ADH5: variants seen among roughly 807,000 people sequenced by gnomAD.
ADH5 encodes alcohol dehydrogenase 5 (class III), chi polypeptide.
In ADH5, 32 loss-of-function variants were observed where a neutral mutation model predicts 40.3. The ratio of observed to expected loss-of-function variants is 0.79; its 90% CI spans 0.60 to 1.07. The LOEUF (loss-of-function observed/expected upper bound fraction) is 1.07. Ranked by LOEUF, ADH5 falls within the 50% of genes least tolerant of loss-of-function variation. The probability of loss-of-function intolerance (pLI) is 0.00; values close to 1 mark genes in which losing one functional copy is unlikely to be tolerated. For missense variants in ADH5, 353 were observed against 460.5 expected, an observed-to-expected ratio of 0.77 and a Z score of 2.14; for synonymous variants, 125 against 154.3, an observed-to-expected ratio of 0.81 and a Z score of 1.41.
Position 99,072,555 on chromosome 4 carries a change from TATAA to T in ADH5, c.1100+14_1100+17del. On this transcript the variant is annotated intron_variant, in intron 8 of 8. Coordinates refer to ENST00000296412, the MANE Select transcript of ADH5 (RefSeq NM_000671.4). ...AACATCATTATTACATTCTATGATA[TATAA>T]AGAGAAAGCCTACCTCTTTCCAGAA... 6.2e-7 allele frequency: 1 copy of T among 1,609,696 alleles called. No individual in the cohort carries two copies. The highest frequency in any genetic ancestry group is 1.3e-5 in the African/African-American group (1 of 74,734).
intron 2 of ADH5, among the ~76,000 whole-genome samples, chr4:99,082,975 C>T (rs1241256659): frequency 6.6e-6 from 1 of 152,110 alleles, no homozygotes; most frequent in Non-Finnish European, 1.5e-5. Flanking sequence ...CATGCCCAGC[C>T]GTAACTTATA....
chr4:99,086,250 G>A (rs1239047982), intron 1 of ADH5, among the ~76,000 whole-genome samples: 1 of 144,352 alleles, frequency 6.9e-6, no homozygotes, highest in African/African-American at 2.6e-5. Context: ...TTTTTAATGA[G>A]GCTACTGAAA....
At chr4:99,087,400 G>GA (rs1560757400) in intron 1 of ADH5, among the ~76,000 whole-genome samples, 3 of 134,036 alleles carry the variant, frequency 2.2e-5, no homozygotes, top group African/African-American at 8.1e-5. Context: ...CGGGGGAGGG[G>GA]GGGGGGAGGG....
In ADH5 at chr4:99,076,875, A is replaced by C. The variant is rs1423486044; in HGVS notation, c.393T>G (p.Thr131=). The C allele has an allele frequency of 6.2e-7, 1 of 1,613,884 alleles. No homozygotes were observed. The highest frequency in any genetic ancestry group is 8.5e-7 in the Non-Finnish European group (1 of 1,179,834). ...GLMPDGTSRF[T]CKGKTILHYM... ...AATGCAAAATTGTCTTTCCTTTGCA[A>C]GTAAATCTGCTGGTACCATCTGGCA... The change falls in exon 5 of 9, where the codon ACT becomes ACG. Residue 131 remains threonine (T), a synonymous_variant. Transcript: ENST00000296412.
chr4:99,074,583 G>A (rs1727887548), intron 7 of ADH5, among the ~76,000 whole-genome samples: 1 of 152,190 alleles, frequency 6.6e-6, no homozygotes, highest in East Asian at 1.9e-4. Flanking sequence ...GGCTGATACT[G>A]CTGTTTGCTT....
intron 1 of ADH5, among the ~76,000 whole-genome samples, chr4:99,086,823 A>C (rs7688531): frequency 2.2e-4 from 32 of 142,566 alleles, no homozygotes; most frequent in African/African-American, 8.1e-4. Context: ...GCCTGTAGTC[A>C]CAGCTACCGG....
intron 1 of ADH5, among the ~76,000 whole-genome samples, chr4:99,087,400 G>T (rs948165909): frequency 2.2e-5 from 3 of 134,036 alleles, no homozygotes; most frequent in African/African-American, 5.4e-5. Flanking sequence ...CGGGGGAGGG[G>T]GGGGGGAGGG....
intron 6 of ADH5, 116 bp from the exon 7 acceptor site, chr4:99,075,165 A>C: frequency 4.6e-6 from 4 of 872,482 alleles, no homozygotes; most frequent in Non-Finnish European, 6.7e-6. Flanking sequence ...ACAAAAGGCC[A>C]AACTTAACAT....
At chr4:99,088,439 C>T (rs1154403) in intron 1 of ADH5, among the ~76,000 whole-genome samples, 98,592 of 140,228 alleles carry the variant, frequency 0.7, 34,759 homozygotes, top group East Asian at 0.97. Context: ...CTCTCCGGCT[C>T]TCCCACCCCC....
At chr4:99,084,587 C>G (rs766623868) in intron 2 of ADH5, among the ~76,000 whole-genome samples, 1 of 152,156 alleles carries the variant, frequency 6.6e-6, no homozygotes, top group African/African-American at 2.4e-5. Context: ...TATATGTATA[C>G]TCGGTTGAGC....
intron 4 of ADH5, among the ~76,000 whole-genome samples, chr4:99,078,574 A>G (rs1727970991): frequency 6.6e-6 from 1 of 152,034 alleles, no homozygotes; most frequent in African/African-American, 2.4e-5. Context: ...CTAATTTTTT[A>G]AATTTTTTAT....
chr4:99,087,648 A>C (rs971263053), intron 1 of ADH5, among the ~76,000 whole-genome samples: 18 of 152,308 alleles, frequency 1.2e-4, no homozygotes, highest in African/African-American at 3.6e-4. Context: ...CTCCCCTTTA[A>C]AAAATGTCTT....
At chr4:99,084,219 C>T (rs1018499517) in intron 2 of ADH5, among the ~76,000 whole-genome samples, 4 of 152,140 alleles carry the variant, frequency 2.6e-5, no homozygotes, top group Non-Finnish European at 5.9e-5. Flanking sequence ...TCCCAGGATG[C>T]TAGGCATTCT....
In ADH5 at chr4:99,072,369, T is replaced by G; in HGVS notation, c.*48A>C. ...AGGCGCTTCTCCCTGCCTGTTAAGC[T>G]GCTCCTATCACATCACGACAGGATG... On this transcript the variant is annotated 3_prime_UTR_variant, in exon 9 of 9. Coordinates refer to ENST00000296412, the MANE Select transcript of ADH5 (RefSeq NM_000671.4). 6.3e-7 allele frequency: 1 copy of G among 1,594,960 alleles called. No individual in the cohort carries two copies. Among genetic ancestry groups the G allele is most frequent in the South Asian group, 1.1e-5 (1 of 89,854 alleles).
At chr4:99,082,178 T>A in intron 2 of ADH5, 62 bp from the exon 3 acceptor site, 5 of 1,529,860 alleles carry the variant, frequency 3.3e-6, no homozygotes, top group Non-Finnish European at 4.4e-6. Flanking sequence ...GAGGTACAGA[T>A]ACAAGAAAAG....
intron 1 of ADH5, among the ~76,000 whole-genome samples, chr4:99,087,350 C>G (rs1022395464): frequency 7.4e-6 from 1 of 134,668 alleles, no homozygotes; most frequent in African/African-American, 2.9e-5. Flanking sequence ...CTATCGCACT[C>G]CAGCCTGGGA....
intron 2 of ADH5, among the ~76,000 whole-genome samples, 157 bp downstream of exon 2, chr4:99,084,956 TAA>T (rs2110464129): frequency 6.6e-6 from 1 of 152,370 alleles, no homozygotes; most frequent in South Asian, 2.1e-4. Context: ...AGGTGAAAGA[TAA>T]GAGAAGGATG....
At position 99,076,078 on chromosome 4, in the gene ADH5, A is replaced by C. The variant is rs143525424; in HGVS notation, c.825+214T>G. The C allele has an allele frequency of 2.2e-3, 1,180 of 546,638 alleles. 24 individuals are homozygous for C. The Admixed American group carries it at 0.023, about 11-fold the overall frequency. 33.9% of individuals were successfully genotyped at this position (546,638 alleles called of 1,614,324 possible). ...TTCATGAGACATGCACTTAGCAGGCATTGAAAGGCAAAGAAACATCTTTTC... is the reference window on the plus strand; with the variant it reads ...TTCATGAGACATGCACTTAGCAGGCCTTGAAAGGCAAAGAAACATCTTTTC... On this transcript the variant is annotated intron_variant, in intron 6 of 8. Transcript: ENST00000296412.
At chr4:99,087,839 A>G (rs1183650480) in intron 1 of ADH5, among the ~76,000 whole-genome samples, 1 of 152,202 alleles carries the variant, frequency 6.6e-6, no homozygotes, top group African/African-American at 2.4e-5. Flanking sequence ...AGTCTGAAAG[A>G]CTGTTTAGAG....
Sources: allele counts gnomAD v4.1 joint callset (sites outside exome capture counted in the v4.1 genomes callset), GRCh38; gene constraint gnomAD v4.1.1; transcripts MANE v1.5; gene names NCBI Gene and HGNC (gene_info 2026-07-23, HGNC 2026-07-21).